Variants in CANX observed in about 807,000 individuals in gnomAD.
The protein encoded by CANX is epididymis secretory sperm binding protein.
Under a neutral mutation model 75.7 loss-of-function variants are expected in CANX, and 14 were observed. The ratio of observed to expected loss-of-function variants is 0.19; its 90% CI spans 0.12 to 0.29. The LOEUF (loss-of-function observed/expected upper bound fraction) is 0.29, where lower values mean the gene tolerates loss of function less well. Ranked by LOEUF, CANX falls within the 10% of genes least tolerant of loss-of-function variation. The pLI is 1.00. For synonymous variants in CANX, 227 were observed against 236.9 expected, an observed-to-expected ratio of 0.96 and a Z score of 0.38; for missense variants, 567 against 713.2, an observed-to-expected ratio of 0.79 and a Z score of 2.34.
At chr5:179,695,758 C>T (rs573814068), upstream of CANX, among the ~76,000 whole-genome samples, 1 of 152,174 alleles carries the variant, frequency 6.6e-6, no homozygotes, top group African/African-American at 2.4e-5. Context: ...TCACACCATT[C>T]TCCTGCCTCA....
chr5:179,729,940 CAT>C lies in CANX; in HGVS notation c.*1298_*1299del, dbSNP rs1212113093. On this transcript the variant is annotated 3_prime_UTR_variant, in exon 15 of 15. Coordinates refer to ENST00000247461, the MANE Select transcript of CANX (RefSeq NM_001746.4). Reference sequence around the variant, plus strand: ...TTTGCAATTCATGTAACAGTTGTGTCATAAATTACACAATAAAGCAGTCCTGT... The same window carrying C: ...TTTGCAATTCATGTAACAGTTGTGTCAAATTACACAATAAAGCAGTCCTGT... 2.6e-5 allele frequency: 4 copies of C among 152,488 alleles called. No homozygotes were observed. The highest frequency in any genetic ancestry group is 5.9e-5 in the Non-Finnish European group (4 of 68,036). 9.4% of individuals were successfully genotyped at this position (152,488 alleles called of 1,614,324 possible). A position where few individuals can be genotyped will look rare whatever the true frequency, so the allele number is the denominator to read the frequency against.
chr5:179,694,312 C>A, upstream of CANX: 1 of 532,268 alleles, frequency 1.9e-6, no homozygotes, highest in Non-Finnish European at 3.4e-6. Context: ...GCAGAATTTT[C>A]CAAGAAGTGC....
rs187808595 is a variant in CANX at position 179,679,101 on chromosome 5, G to A, written c.-4+324G>A. On this transcript the variant is annotated intron_variant, in intron 1 of 14. Coordinates refer to the CANX transcript ENST00000681674. ...AACTGCTGCAGCGTCTGCCACAGGC[G>A]GCTGGCATGGCTCGTAGCCGAGCAC... The A allele has an allele frequency of 1.4e-4, 209 of 1,535,666 alleles. 1 individual carries two copies. In the Middle Eastern group the frequency reaches 1.5e-3, roughly 11 times the overall value.
In CANX at chr5:179,706,243, A is replaced by G. The variant is rs1385245903; in HGVS notation, c.172-15A>G. 5.7e-6 allele frequency: 8 copies of G among 1,409,582 alleles called. 1 individual carries two copies. Among genetic ancestry groups the G allele is most frequent in the Non-Finnish European group, 8.0e-6 (8 of 1,003,460 alleles). 87.3% of individuals were successfully genotyped at this position (1,409,582 alleles called of 1,614,324 possible). On this transcript the variant is annotated splice_polypyrimidine_tract_variant and intron_variant, in intron 2 of 14. Coordinates refer to ENST00000247461, the MANE Select transcript of CANX (RefSeq NM_001746.4). ...GAAAATTTAAATTTTTAATTCATTT[A>G]TGTATTTAACACAGGTTACTTACAA...
chr5:179,680,764 G>T (rs1293086921), intron 1 of CANX: 2 of 778,448 alleles, frequency 2.6e-6, no homozygotes, highest in Non-Finnish European at 4.2e-6. Context: ...CTGCCCATGG[G>T]CAGTGAGAAG....
At chr5:179,689,533 G>A (rs1479024170) in intron 1 of CANX, among the ~76,000 whole-genome samples, 13 of 151,784 alleles carry the variant, frequency 8.6e-5, no homozygotes, top group African/African-American at 2.4e-4. Flanking sequence ...GATTATAGGC[G>A]TCCGCCACAA....
chr5:179,706,746 C>G (rs547192978), intron 3 of CANX, among the ~76,000 whole-genome samples: 1 of 152,150 alleles, frequency 6.6e-6, no homozygotes, highest in Non-Finnish European at 1.5e-5. Context: ...CATGAGCCAC[C>G]GCACCTGGCC....
intron 10 of CANX, among the ~76,000 whole-genome samples, chr5:179,720,875 C>T (rs1440801576): frequency 1.3e-5 from 2 of 152,060 alleles, no homozygotes; most frequent in African/African-American, 4.8e-5. Flanking sequence ...CCTCTGCCTT[C>T]CGGTTTCAAG....
intron 1 of CANX, chr5:179,679,260 G>C (rs1581807861): frequency 6.6e-7 from 1 of 1,522,644 alleles, no homozygotes; most frequent in Non-Finnish European, 8.8e-7. Context: ...GAGCCAGGGG[G>C]CGCTGCTGGG....
intron 1 of CANX, among the ~76,000 whole-genome samples, chr5:179,703,407 G>A (rs34329357): frequency 6.6e-6 from 1 of 151,518 alleles, no homozygotes; most frequent in African/African-American, 2.4e-5. Flanking sequence ...TAGTAGAAAC[G>A]GAGTTTCATC....
At chr5:179,715,844 A>G (rs997415204) in intron 7 of CANX, 8 of 484,674 alleles carry the variant, frequency 1.7e-5, no homozygotes, top group Admixed American at 1.1e-4. Flanking sequence ...TTTAGTGTCT[A>G]TAAGTCAAGT....
chr5:179,679,742 T>G (rs1776006547), intron 1 of CANX, among the ~76,000 whole-genome samples: 1 of 151,974 alleles, frequency 6.6e-6, no homozygotes. Flanking sequence ...CACTGCAACC[T>G]CCACCTCCCG....
intron 13 of CANX, among the ~76,000 whole-genome samples, chr5:179,725,011 GTC>G (rs147076143): frequency 1.3e-5 from 2 of 151,004 alleles, no homozygotes; most frequent in African/African-American, 2.4e-5. Flanking sequence ...GTGAGACCCT[GTC>G]TCTCTCTCTC....
At chr5:179,683,580 C>T (rs1258373477) in intron 1 of CANX, among the ~76,000 whole-genome samples, 2 of 152,042 alleles carry the variant, frequency 1.3e-5, no homozygotes, top group African/African-American at 4.8e-5. Flanking sequence ...GTTGCCCAGA[C>T]TGGAGTGCAG....
chr5:179,700,485 CTA>C (rs1465405646), intron 1 of CANX: 1 of 152,172 alleles, frequency 6.6e-6, no homozygotes, highest in African/African-American at 2.4e-5. Flanking sequence ...AGGTAAAGGA[CTA>C]TGTGGGAGTT....
intron 11 of CANX, 74 bp downstream of exon 11, chr5:179,723,093 G>T: frequency 1.5e-6 from 2 of 1,311,356 alleles, no homozygotes; most frequent in South Asian, 1.3e-5. Context: ...CTGTGTTAAG[G>T]TTTTTTTTCT....
chr5:179,728,897 G>A lies in CANX; in HGVS notation c.*253G>A. On this transcript the variant is annotated 3_prime_UTR_variant, in exon 15 of 15. Transcript: ENST00000247461. ...TAATGGTTGTGAAATGTAACATGAAGCAAACTAACTTTTTTTTTTTTAACA... is the reference window on the plus strand; with the variant it reads ...TAATGGTTGTGAAATGTAACATGAAACAAACTAACTTTTTTTTTTTTAACA... The A allele has an allele frequency of 2.0e-6, 1 of 505,950 alleles. No individual in the cohort carries two copies. The highest frequency in any genetic ancestry group is 3.6e-6 in the Non-Finnish European group (1 of 279,442). 31.3% of individuals were successfully genotyped at this position (505,950 alleles called of 1,614,324 possible). A position where few individuals can be genotyped will look rare whatever the true frequency, so the allele number is the denominator to read the frequency against.
Position 179,714,435 on chromosome 5 carries a change from C to T in CANX, c.722-1670C>T, listed in dbSNP as rs185003340. On this transcript the variant is annotated intron_variant, in intron 7 of 14. Transcript: ENST00000247461. ...CACTTAAAATTATCTTAAACATCAG[C>T]ATTGTGATATATATTTGTCAATATG... Among the ~76,000 whole-genome samples, 5 of 152,284 alleles carry T rather than the reference C, an allele frequency of 3.3e-5. No homozygotes were observed. The East Asian group carries it at 5.8e-4, about 18-fold the overall frequency.
chr5:179,700,330 A>AT (rs933321315), intron 1 of CANX: 1 of 152,162 alleles, frequency 6.6e-6, no homozygotes, highest in Non-Finnish European at 1.5e-5. Context: ...TAATAAGTAG[A>AT]TTTTTTTAAG....
Sources: allele counts gnomAD v4.1 joint callset (sites outside exome capture counted in the v4.1 genomes callset), GRCh38; gene constraint gnomAD v4.1.1; transcripts MANE v1.5; gene names NCBI Gene and HGNC (gene_info 2026-07-23, HGNC 2026-07-21).